Variants in RAB11A observed in about 807,000 individuals in gnomAD.
The protein encoded by RAB11A is ras-related protein Rab-11A.
RAB11A carries 9 observed loss-of-function variants against 28.0 expected under a neutral mutation model. The ratio of observed to expected loss-of-function variants is 0.32; its 90% confidence interval spans 0.19 to 0.56. The LOEUF is 0.56. RAB11A is among the 20% of genes least tolerant of loss of function. The pLI, the probability that RAB11A is intolerant of heterozygous loss-of-function variation, is 0.91. For synonymous variants in RAB11A, 85 were observed against 88.2 expected, an observed-to-expected ratio of 0.96 and a Z score of 0.20; for missense variants, 108 against 269.6, an observed-to-expected ratio of 0.40 and a Z score of 4.20.
chr15:65,876,041 C>T (rs1158760142), intron 1 of RAB11A, among the ~76,000 whole-genome samples: 1 of 152,194 alleles, frequency 6.6e-6, no homozygotes, highest in Non-Finnish European at 1.5e-5. Context: ...ATTCTATAAA[C>T]GTGTGAACTC....
chr15:65,877,507 A>G lies in RAB11A; in HGVS notation c.216A>G (p.Arg72=). Residue 72 remains arginine, a synonymous_variant, in exon 2 of 5, where the codon CGA becomes CGG. Coordinates refer to ENST00000261890, the MANE Select transcript of RAB11A (RefSeq NM_004663.5). This position sits in a 1 kb window ranked among gnomAD's most constrained non-coding sequence, Gnocchi z 4.1. ...AQIWDTAGQE[R]YRAITSAYYR... is the part of the protein sequence containing the mutation. ...TATGGGACACAGCAGGGCAAGAGCG[A>G]TATCGAGCTATAACATCAGCGTAAG... 6.2e-7 allele frequency: 1 copy of G among 1,614,102 alleles called. No homozygotes were observed. The highest frequency in any genetic ancestry group is 8.5e-7 in the Non-Finnish European group (1 of 1,179,976).
Position 65,891,817 on chromosome 15 carries a change from A to G in RAB11A, c.*3977A>G, listed in dbSNP as rs1252096443. On this transcript the variant is annotated 3_prime_UTR_variant, in exon 5 of 5. Transcript: ENST00000261890. ...ATTTGCAAAATGACTGTCAATATCAACAATATGCATCAAAGTACCATATAT... is the reference window on the plus strand; with the variant it reads ...ATTTGCAAAATGACTGTCAATATCAGCAATATGCATCAAAGTACCATATAT... 6.6e-6 allele frequency: 1 copy of G among 152,210 alleles called. No homozygotes were observed. Among genetic ancestry groups the G allele is most frequent in the Admixed American group, 6.5e-5 (1 of 15,278 alleles). The allele number at this position is 152,210 out of a possible 1,614,324, so 9.4% of individuals were successfully genotyped here. A position where few individuals can be genotyped will look rare whatever the true frequency, so the allele number is the denominator to read the frequency against.
At chr15:65,875,514 T>G (rs1259290021) in intron 1 of RAB11A, among the ~76,000 whole-genome samples, 1 of 152,224 alleles carries the variant, frequency 6.6e-6, no homozygotes, top group Non-Finnish European at 1.5e-5. Flanking sequence ...TTAATAACTT[T>G]GACATTTTCT....
At chr15:65,881,961 G>A (rs938098504) in intron 4 of RAB11A, among the ~76,000 whole-genome samples, 1 of 151,882 alleles carries the variant, frequency 6.6e-6, no homozygotes, top group Non-Finnish European at 1.5e-5. Context: ...TGAGGTGGGA[G>A]GATTGCTTGA....
intron 1 of RAB11A, among the ~76,000 whole-genome samples, chr15:65,873,121 C>A (rs950123548): frequency 1.6e-4 from 24 of 152,100 alleles, no homozygotes; most frequent in Admixed American, 1.1e-3. Context: ...TATTTAAGCC[C>A]AATAGTGAGA....
intron 4 of RAB11A, among the ~76,000 whole-genome samples, chr15:65,884,949 C>T (rs1806499775): frequency 6.7e-6 from 1 of 150,202 alleles, no homozygotes; most frequent in Non-Finnish European, 1.5e-5. Context: ...AATTCCTATG[C>T]AGTCGCCCCC....
In RAB11A at chr15:65,889,187, G is replaced by A. The variant is rs910254609; in HGVS notation, c.*1347G>A. ...AAATCCCCAAAAATATGTATGTGTG[G>A]GCTTGCTTAGATTACTATATTTCAT... On this transcript the variant is annotated 3_prime_UTR_variant, in exon 5 of 5. Transcript: ENST00000261890. The A allele has an allele frequency of 1.3e-5, 2 of 152,540 alleles. No individual in the cohort carries two copies. Among genetic ancestry groups the A allele is most frequent in the East Asian group, 3.9e-4 (2 of 5,194 alleles). The allele number at this position is 152,540 out of a possible 1,614,324, so 9.4% of individuals were successfully genotyped here.
intron 4 of RAB11A, among the ~76,000 whole-genome samples, chr15:65,885,025 G>T (rs2078247023): frequency 6.9e-6 from 1 of 145,346 alleles, no homozygotes; most frequent in African/African-American, 2.6e-5. Flanking sequence ...CAGTGGTGCA[G>T]TCTCAACCTC....
chr15:65,888,717 C>T lies in RAB11A; in HGVS notation c.*877C>T, dbSNP rs1281510411. ...TCAAATTTTGAAGTGTTAATTTTGT[C>T]TTAGAACCTTCCAGTAAGTGAAATA... On this transcript the variant is annotated 3_prime_UTR_variant, in exon 5 of 5. Coordinates refer to ENST00000261890, the MANE Select transcript of RAB11A (RefSeq NM_004663.5). The T allele has an allele frequency of 6.6e-6, 1 of 152,574 alleles. No homozygotes were observed. The highest frequency in any genetic ancestry group is 2.4e-5 in the African/African-American group (1 of 41,398). The allele number at this position is 152,574 out of a possible 1,614,324, so 9.5% of individuals were successfully genotyped here. A position where few individuals can be genotyped will look rare whatever the true frequency, so the allele number is the denominator to read the frequency against.
Position 65,877,925 on chromosome 15 carries a change from G to C in RAB11A, c.400G>C (p.Val134Leu). ...GAGTGATCTACGTCATCTCAGGGCAGTTCCTACAGATGAAGCAAGAGCTTT... is the reference window on the plus strand; with the variant it reads ...GAGTGATCTACGTCATCTCAGGGCACTTCCTACAGATGAAGCAAGAGCTTT... ...NKSDLRHLRA[V>L]PTDEARAFAE... Residue 134 changes from valine to leucine, a missense_variant, in exon 3 of 5, where the codon GTT (valine) becomes CTT (leucine). By Grantham distance (32) the Val-to-Leu change is conservative. Coordinates refer to ENST00000261890, the MANE Select transcript of RAB11A (RefSeq NM_004663.5). The surrounding 1 kb of genome is among the most constrained non-coding windows in gnomAD (Gnocchi z 4.1). 2 of 1,613,832 alleles carry C rather than the reference G, an allele frequency of 1.2e-6. No individual in the cohort carries two copies. Among genetic ancestry groups the C allele is most frequent in the South Asian group, 2.2e-5 (2 of 91,024 alleles).
intron 4 of RAB11A, among the ~76,000 whole-genome samples, chr15:65,884,827 AT>A (rs1318361128): frequency 6.6e-6 from 1 of 150,682 alleles, no homozygotes; most frequent in African/African-American, 2.4e-5. Context: ...TAGCTGTCTG[AT>A]TAGAGAAGGT....
At chr15:65,872,306 T>A (rs2078166765) in intron 1 of RAB11A, among the ~76,000 whole-genome samples, 1 of 151,886 alleles carries the variant, frequency 6.6e-6, no homozygotes, top group African/African-American at 2.4e-5. Context: ...AGCATTTAAA[T>A]ATTATTAAAG....
At chr15:65,873,508 G>C (rs950154546) in intron 1 of RAB11A, among the ~76,000 whole-genome samples, 8 of 152,034 alleles carry the variant, frequency 5.3e-5, no homozygotes, top group South Asian at 4.1e-4. Context: ...GGAAAAACTT[G>C]TCTAGACTTG....
chr15:65,885,342 G>A (rs1039372644), intron 4 of RAB11A, among the ~76,000 whole-genome samples: 1 of 151,646 alleles, frequency 6.6e-6, no homozygotes, highest in Admixed American at 6.6e-5. Context: ...TTGCCAAGAT[G>A]GTCTTGATCT....
chr15:65,871,969 T>A (rs2141099932), intron 1 of RAB11A, among the ~76,000 whole-genome samples: 1 of 136,644 alleles, frequency 7.3e-6, no homozygotes, highest in South Asian at 2.6e-4. Context: ...TCTCGCTCTG[T>A]CCCCCAGGCT....
rs2048698374 is a variant in RAB11A, at chr15:65,890,900, C to T, written c.*3060C>T. On this transcript the variant is annotated 3_prime_UTR_variant, in exon 5 of 5. Transcript: ENST00000261890. The stretch of plus-strand genomic sequence containing the variant: ...AATATAAATTGATTTTCTGATGTCT[C>T]ACAAATATCACATACCTGGAAAAAA... 1 of 152,114 alleles carries T rather than the reference C, an allele frequency of 6.6e-6. No homozygotes were observed. Among genetic ancestry groups the T allele is most frequent in the Non-Finnish European group, 1.5e-5 (1 of 68,018 alleles). 9.4% of individuals were successfully genotyped at this position (152,114 alleles called of 1,614,324 possible).
intron 4 of RAB11A, among the ~76,000 whole-genome samples, chr15:65,881,009 C>T (rs1323736180): frequency 6.6e-6 from 1 of 152,134 alleles, no homozygotes; most frequent in Non-Finnish European, 1.5e-5. Context: ...CTGTAAATTA[C>T]TTATCTATCC....
intron 1 of RAB11A, among the ~76,000 whole-genome samples, chr15:65,875,242 T>G (rs1271506584): frequency 2.0e-5 from 3 of 152,268 alleles, no homozygotes; most frequent in East Asian, 3.9e-4. Context: ...CTGTCTAATT[T>G]TTTTGTTTGT....
chr15:65,889,272 G>GT lies in RAB11A; in HGVS notation c.*1433dup, dbSNP rs1342127144. Reference sequence around the variant, plus strand: ...TGTGGGGCACACGGAAGGCATTGCTGTAGTCAGTCATTTTGGTTTTCTTCT... The same window carrying GT: ...TGTGGGGCACACGGAAGGCATTGCTGTTAGTCAGTCATTTTGGTTTTCTTCT... On this transcript the variant is annotated 3_prime_UTR_variant, in exon 5 of 5. Coordinates refer to ENST00000261890, the MANE Select transcript of RAB11A (RefSeq NM_004663.5). 1 of 152,236 alleles carries GT rather than the reference G, an allele frequency of 6.6e-6. No individual in the cohort carries two copies. The highest frequency in any genetic ancestry group is 1.5e-5 in the Non-Finnish European group (1 of 68,030). 9.4% of individuals were successfully genotyped at this position (152,236 alleles called of 1,614,324 possible).
Sources: gnomAD v4.1 joint callset for allele counts (sites outside exome capture counted in the v4.1 genomes callset) on GRCh38, gnomAD v4.1.1 for gene constraint, Gnocchi (gnomAD v3.1) non-coding constraint, MANE v1.5 for transcripts, NCBI Gene and HGNC (gene_info 2026-07-23, HGNC 2026-07-21) for gene names.